The following MYOCD variants were observed in gnomAD, a reference collection of about 807,000 sequenced individuals.
MYOCD encodes the protein myocardin.
In MYOCD, 32 loss-of-function variants were observed where a neutral mutation model predicts 96.1. That is an observed-to-expected ratio of 0.33 (90% confidence interval 0.25 to 0.45). MYOCD has a LOEUF of 0.45. Ranked by LOEUF, MYOCD falls within the 20% of genes least tolerant of loss-of-function variation. MYOCD has a pLI of 1.00. For missense variants in MYOCD, 1,133 were observed against 1,200.6 expected (o/e 0.94, Z 0.83); for synonymous variants, 469 against 469.0 (o/e 1.00, Z 0.00).
At chr17:12,742,976 A>C (rs1036733690) in intron 7 of MYOCD, among the ~76,000 whole-genome samples, 1 of 152,176 alleles carries the variant, frequency 6.6e-6, no homozygotes, top group African/African-American at 2.4e-5. Flanking sequence ...TTACCTGTTC[A>C]TTGACTACCT....
Position 12,766,637 on chromosome 17 carries a change from G to C in MYOCD, c.*2993G>C, listed in dbSNP as rs2033346805. ...TAAATTCTTTTAAACTCTTCGTTGTGTCTTTTGTGATGACAAATCAGGCAT... is the reference window on the plus strand; with the variant it reads ...TAAATTCTTTTAAACTCTTCGTTGTCTCTTTTGTGATGACAAATCAGGCAT... On this transcript the variant is annotated 3_prime_UTR_variant, in exon 14 of 14. Coordinates refer to ENST00000425538, the MANE Select transcript of MYOCD (RefSeq NM_001146312.3). 1 of 152,154 alleles carries C rather than the reference G, an allele frequency of 6.6e-6. No individual in the cohort carries two copies. The highest frequency in any genetic ancestry group is 6.5e-5 in the Admixed American group (1 of 15,272). The allele number at this position is 152,154 out of a possible 1,614,324, so 9.4% of individuals were successfully genotyped here.
intron 1 of MYOCD, among the ~76,000 whole-genome samples, chr17:12,698,263 G>T (rs1197540844): frequency 6.6e-6 from 1 of 152,144 alleles, no homozygotes; most frequent in African/African-American, 2.4e-5. Flanking sequence ...TGAACTGAAG[G>T]TTCTTAACTT....
At chr17:12,705,682 G>C (rs1014548910) in intron 2 of MYOCD, 1 of 152,260 alleles carries the variant, frequency 6.6e-6, no homozygotes, top group Non-Finnish European at 1.5e-5. Flanking sequence ...CCACGAACTG[G>C]GTAAAAGAAG....
intron 9 of MYOCD, among the ~76,000 whole-genome samples, chr17:12,748,183 A>C (rs570012292): frequency 1.2e-4 from 18 of 151,082 alleles, no homozygotes; most frequent in African/African-American, 2.0e-4. Flanking sequence ...AAAAAACAAA[A>C]AAACAAAAAA....
intron 1 of MYOCD, among the ~76,000 whole-genome samples, chr17:12,697,817 C>T (rs553457546): frequency 6.6e-6 from 1 of 152,110 alleles, no homozygotes; most frequent in African/African-American, 2.4e-5. Flanking sequence ...CAGATTGTGG[C>T]TTATATTAGA....
chr17:12,763,841 C>T lies in MYOCD; in HGVS notation c.*197C>T. ...TGTAATATTTACCAACAGTCAGTAA[C>T]TGTTAATGATTTCAACAATGCATTA... On this transcript the variant is annotated 3_prime_UTR_variant, in exon 14 of 14. Transcript: ENST00000425538. 6.1e-6 allele frequency: 3 copies of T among 491,858 alleles called. No homozygotes were observed. Among genetic ancestry groups the T allele is most frequent in the Non-Finnish European group, 1.0e-5 (3 of 286,238 alleles). The allele number at this position is 491,858 out of a possible 1,614,324, so 30.5% of individuals were successfully genotyped here. A position where few individuals can be genotyped will look rare whatever the true frequency, so the allele number is the denominator to read the frequency against.
intron 13 of MYOCD, 62 bp from the exon 14 acceptor site, chr17:12,763,011 C>T (rs2033224592): frequency 7.1e-6 from 10 of 1,404,696 alleles, no homozygotes; most frequent in East Asian, 2.3e-5. Context: ...GTAACTCACT[C>T]ATATTGTGTG....
rs1555533320 is a variant in MYOCD at position 12,733,885 on chromosome 17, A to AAAG, written c.416-2274_416-2273insGAA. ...CGTCTCAAAAAAAAGAAAAAAGAAA[A>AAAG]AAAGAAAGAAATGAGAAAATGTGCC... On this transcript the variant is annotated intron_variant, in intron 5 of 13. Coordinates refer to ENST00000425538, the MANE Select transcript of MYOCD (RefSeq NM_001146312.3). Among the ~76,000 whole-genome samples the AAAG allele has an allele frequency of 5.2e-4, 73 of 139,808 alleles. 5 individuals are homozygous for AAAG. The highest frequency in any genetic ancestry group is 1.2e-3 in the African/African-American group (43 of 37,198). 91.7% of individuals were successfully genotyped at this position (139,808 alleles called of 152,430 possible). A position where few individuals can be genotyped will look rare whatever the true frequency, so the allele number is the denominator to read the frequency against.
At chr17:12,675,262 C>T (rs1909947232) in intron 1 of MYOCD, among the ~76,000 whole-genome samples, 1 of 152,118 alleles carries the variant, frequency 6.6e-6, no homozygotes, top group African/African-American at 2.4e-5. Flanking sequence ...GGCATGAAGA[C>T]ATAGATACAC....
rs575051331 is a variant in MYOCD, at chr17:12,768,647, A to G, written c.*5003A>G. On this transcript the variant is annotated 3_prime_UTR_variant, in exon 14 of 14. Transcript: ENST00000425538. ...ACACTGCTCCCCAGAGTTCCTTTCC[A>G]ATGGCCCTGCAGTAAGAACGGAGGA... The G allele has an allele frequency of 9.2e-5, 14 of 152,280 alleles. No homozygotes were observed. Among genetic ancestry groups the G allele is most frequent in the African/African-American group, 3.4e-4 (14 of 41,550 alleles). 9.4% of individuals were successfully genotyped at this position (152,280 alleles called of 1,614,324 possible). A position where few individuals can be genotyped will look rare whatever the true frequency, so the allele number is the denominator to read the frequency against.
rs540372772 is a variant in MYOCD at position 12,715,792 on chromosome 17, A to T, written c.177+218A>T. On this transcript the variant is annotated intron_variant, in intron 3 of 13. Transcript: ENST00000425538. ...GAAACTCCTATTTTTCAGCTTTTTT[A>T]AAAAATGTCCCCAATTTTTCTAATG... 2.9e-4 allele frequency among the ~76,000 whole-genome samples: 44 copies of T among 152,284 alleles called. No homozygotes were observed. The South Asian group carries it at 8.9e-3, about 31-fold the overall frequency.
intron 9 of MYOCD, among the ~76,000 whole-genome samples, chr17:12,748,363 T>C (rs1425882157): frequency 6.6e-6 from 1 of 152,118 alleles, no homozygotes; most frequent in African/African-American, 2.4e-5. Context: ...TTGGATGAAA[T>C]TATGTATGCT....
chr17:12,670,431 A>G (rs1909636822), intron 1 of MYOCD, among the ~76,000 whole-genome samples: 1 of 152,136 alleles, frequency 6.6e-6, no homozygotes, highest in South Asian at 2.1e-4. Context: ...AATCCTCAAC[A>G]TCTCTGGCAC....
chr17:12,736,983 G>A (rs1045160342), intron 6 of MYOCD, among the ~76,000 whole-genome samples: 3 of 152,286 alleles, frequency 2.0e-5, no homozygotes, highest in South Asian at 2.1e-4. Flanking sequence ...GGCTGGGCAC[G>A]GTGGCTCACG....
chr17:12,747,441 C>T (rs150725572), intron 9 of MYOCD, among the ~76,000 whole-genome samples: 211 of 152,118 alleles, frequency 1.4e-3, no homozygotes, highest in African/African-American at 4.6e-3. Flanking sequence ...AGTCAAGTCG[C>T]GGGTACCAGC....
intron 5 of MYOCD, among the ~76,000 whole-genome samples, chr17:12,730,442 A>T (rs1280212085): frequency 2.0e-5 from 3 of 148,222 alleles, no homozygotes; most frequent in Non-Finnish European, 4.4e-5. Context: ...GCGAAACTCC[A>T]TCTCAAAAAA....
intron 4 of MYOCD, among the ~76,000 whole-genome samples, chr17:12,718,638 T>C (rs1039979502): frequency 1.3e-5 from 2 of 151,858 alleles, no homozygotes; most frequent in Admixed American, 1.3e-4. Context: ...GTTTTCAGGG[T>C]AGGGAAAAGA....
At chr17:12,742,583 T>C (rs1312504958) in intron 7 of MYOCD, among the ~76,000 whole-genome samples, 1 of 152,072 alleles carries the variant, frequency 6.6e-6, no homozygotes, top group Non-Finnish European at 1.5e-5. Context: ...ATTATTTTTT[T>C]TTTTTGAGGC....
At chr17:12,699,262 T>C (rs1049584624) in intron 1 of MYOCD, among the ~76,000 whole-genome samples, 1 of 152,090 alleles carries the variant, frequency 6.6e-6, no homozygotes, top group African/African-American at 2.4e-5. Flanking sequence ...GTACCTGGGA[T>C]CACAGACATG....
Sources: allele counts gnomAD v4.1 joint callset (sites outside exome capture counted in the v4.1 genomes callset), GRCh38; gene constraint gnomAD v4.1.1; transcripts MANE v1.5; gene names NCBI Gene and HGNC (gene_info 2026-07-23, HGNC 2026-07-21).